AAK1: variants seen among roughly 807,000 people sequenced by gnomAD.
AAK1 encodes AP2 associated kinase 1.
AAK1 carries 37 observed loss-of-function variants against 116.0 expected under a neutral mutation model. That is an observed-to-expected ratio of 0.32 (90% CI 0.25 to 0.42). The LOEUF is 0.42. Ranked by LOEUF, AAK1 falls within the 10% of genes least tolerant of loss-of-function variation. AAK1 has a pLI of 1.00. For synonymous variants in AAK1, 458 were observed against 439.9 expected (o/e 1.04, Z -0.51); for missense variants, 919 against 1,170.6 (o/e 0.79, Z 3.14).
intron 2 of AAK1, among the ~76,000 whole-genome samples, chr2:69,622,080 G>A (rs1674660284): frequency 6.6e-6 from 1 of 152,354 alleles, no homozygotes; most frequent in African/African-American, 2.4e-5. Context: ...GGGAGGTGTG[G>A]AGGGAGAGGT....
intron 2 of AAK1, among the ~76,000 whole-genome samples, chr2:69,576,722 G>GCC (rs1672330519): frequency 6.6e-6 from 1 of 152,106 alleles, no homozygotes; most frequent in African/African-American, 2.4e-5. Flanking sequence ...ATGCTTATGA[G>GCC]AAGTTTATCA....
At chr2:69,601,005 A>C (rs1402111236) in intron 2 of AAK1, among the ~76,000 whole-genome samples, 1 of 152,190 alleles carries the variant, frequency 6.6e-6, no homozygotes, top group African/African-American at 2.4e-5. Flanking sequence ...TAGCAATAAA[A>C]TATGTTTAAA....
Position 69,469,756 on chromosome 2 carries a change from C to T in AAK1, c.*6113G>A, listed in dbSNP as rs548041376. 2.0e-6 allele frequency: 2 copies of T among 985,402 alleles called. No individual in the cohort carries two copies. The highest frequency in any genetic ancestry group is 3.5e-5 in the African/African-American group (2 of 57,366). 61.0% of individuals were successfully genotyped at this position (985,402 alleles called of 1,614,324 possible). On this transcript the variant is annotated 3_prime_UTR_variant, in exon 22 of 22. Transcript: ENST00000409085. ...ATCATGCCTCTTTTTATTTTGGTTT[C>T]ACACATAAAATTAAGCAAGAAGTCA...
At chr2:69,620,632 T>G (rs1009431696) in intron 2 of AAK1, among the ~76,000 whole-genome samples, 1 of 152,194 alleles carries the variant, frequency 6.6e-6, no homozygotes, top group Non-Finnish European at 1.5e-5. Flanking sequence ...TCTGGGATAT[T>G]TGACCCTCTT....
intron 2 of AAK1, among the ~76,000 whole-genome samples, chr2:69,622,417 G>A (rs1310945590): frequency 3.3e-5 from 5 of 152,228 alleles, no homozygotes; most frequent in African/African-American, 1.2e-4. Flanking sequence ...CAAGGGCTGA[G>A]GAGTGCAGGT....
chr2:69,530,395 T>C (rs962061619), intron 7 of AAK1, among the ~76,000 whole-genome samples: 1 of 152,146 alleles, frequency 6.6e-6, no homozygotes, highest in Non-Finnish European at 1.5e-5. Context: ...ACCAGTAACA[T>C]ATACATGAAA....
chr2:69,512,282 A>G (rs539158795), intron 13 of AAK1, among the ~76,000 whole-genome samples: 2 of 152,326 alleles, frequency 1.3e-5, no homozygotes, highest in South Asian at 4.1e-4. Flanking sequence ...CTATTCCATC[A>G]CTCTAATACA....
At chr2:69,608,755 C>CA (rs1225595155) in intron 2 of AAK1, among the ~76,000 whole-genome samples, 5 of 151,778 alleles carry the variant, frequency 3.3e-5, no homozygotes, top group African/African-American at 1.2e-4. Flanking sequence ...TTAAGCTTAA[C>CA]AAAAAAACTT....
At chr2:69,625,525 T>C (rs1224826761) in intron 2 of AAK1, among the ~76,000 whole-genome samples, 2 of 152,140 alleles carry the variant, frequency 1.3e-5, no homozygotes, top group African/African-American at 4.8e-5. Context: ...AAATTTACCA[T>C]CTAGTCCTCA....
rs1674450146 is a variant in AAK1 at position 69,465,281 on chromosome 2, T to C, written c.*10588A>G. 5.8e-6 allele frequency: 4 copies of C among 692,300 alleles called. No individual in the cohort carries two copies. Among genetic ancestry groups the C allele is most frequent in the South Asian group, 3.9e-5 (2 of 51,306 alleles). The allele number at this position is 692,300 out of a possible 1,614,324, so 42.9% of individuals were successfully genotyped here. On this transcript the variant is annotated 3_prime_UTR_variant, in exon 22 of 22. Transcript: ENST00000409085. ...CTAAATATCACTGCAACTGAGTTTG[T>C]TGACTCAAGAAATTCTGCTCTGACG...
rs1317334039 is a variant in AAK1 at position 69,463,245 on chromosome 2, C to A, written c.*12624G>T. Reference sequence around the variant, plus strand: ...TACAGCTAATGGAAAAATCACTTAACCTTTACTAGAAGTAACAGAAAGCAT... The same window carrying A: ...TACAGCTAATGGAAAAATCACTTAAACTTTACTAGAAGTAACAGAAAGCAT... On this transcript the variant is annotated 3_prime_UTR_variant, in exon 22 of 22. Coordinates refer to ENST00000409085, the MANE Select transcript of AAK1 (RefSeq NM_014911.5). 2 of 152,234 alleles carry A rather than the reference C, an allele frequency of 1.3e-5. No individual in the cohort carries two copies. Among genetic ancestry groups the A allele is most frequent in the East Asian group, 3.8e-4 (2 of 5,204 alleles). The allele number at this position is 152,234 out of a possible 1,614,324, so 9.4% of individuals were successfully genotyped here.
At chr2:69,586,102 G>A (rs74475769) in intron 2 of AAK1, among the ~76,000 whole-genome samples, 4,271 of 152,170 alleles carry the variant, frequency 0.028, 210 homozygotes, top group African/African-American at 0.097. Flanking sequence ...GAGATGAACC[G>A]GAGGATTATG....
At chr2:69,587,826 G>A (rs1672856949) in intron 2 of AAK1, among the ~76,000 whole-genome samples, 1 of 151,816 alleles carries the variant, frequency 6.6e-6, no homozygotes, top group South Asian at 2.1e-4. Context: ...TGCTCAGGCT[G>A]GTCTTGAACT....
intron 2 of AAK1, among the ~76,000 whole-genome samples, chr2:69,608,031 A>T (rs1225672123): frequency 6.6e-6 from 1 of 152,242 alleles, no homozygotes; most frequent in Non-Finnish European, 1.5e-5. Context: ...ATGCCATCCA[A>T]CCTGCCTAGA....
intron 3 of AAK1, among the ~76,000 whole-genome samples, chr2:69,547,952 T>C (rs1670997877): frequency 6.6e-6 from 1 of 152,160 alleles, no homozygotes; most frequent in African/African-American, 2.4e-5. Flanking sequence ...CAAGGACATG[T>C]TTTTAAGGAT....
chr2:69,607,218 G>A (rs1178946049), intron 2 of AAK1, among the ~76,000 whole-genome samples: 1 of 152,104 alleles, frequency 6.6e-6, no homozygotes, highest in African/African-American at 2.4e-5. Context: ...AAACTGTGAA[G>A]GAGGTGAGTG....
At chr2:69,582,884 A>C (rs868737042) in intron 2 of AAK1, among the ~76,000 whole-genome samples, 16 of 152,302 alleles carry the variant, frequency 1.1e-4, no homozygotes, top group Middle Eastern at 6.8e-3. Flanking sequence ...CTGTTGCTGG[A>C]AGTTAAGACA....
chr2:69,500,222 G>C (rs970781674), intron 16 of AAK1: 1 of 152,130 alleles, frequency 6.6e-6, no homozygotes, highest in South Asian at 2.1e-4. Flanking sequence ...ACAAACGAGA[G>C]CAAATGAGTT....
chr2:69,479,153 C>A, intron 19 of AAK1, 92 bp from the exon 20 acceptor site: 1 of 913,042 alleles, frequency 1.1e-6, no homozygotes, highest in East Asian at 2.4e-5. Context: ...TTTTAAGTTA[C>A]TGCATTTACA....
Sources: gnomAD v4.1 joint callset for allele counts (sites outside exome capture counted in the v4.1 genomes callset) on GRCh38, gnomAD v4.1.1 for gene constraint, MANE v1.5 for transcripts, NCBI Gene and HGNC (gene_info 2026-07-23, HGNC 2026-07-21) for gene names.